BLTP1: variants seen among roughly 807,000 people sequenced by gnomAD.
The protein encoded by BLTP1 is fragile site-associated protein.
the BLTP1 span, chr4:122,281,811 A>T: frequency 6.9e-7 from 1 of 1,450,722 alleles, no homozygotes; most frequent in Admixed American, 2.7e-5. Context: ...CTTAAAATTT[A>T]TGATTTGTTT....
the BLTP1 span, chr4:122,244,762 T>C: frequency 2.1e-6 from 1 of 471,898 alleles, no homozygotes; most frequent in Non-Finnish European, 2.8e-6. Flanking sequence ...CAGGAAATCT[T>C]CTTCAGAAGT....
chr4:122,361,603 T>C, the BLTP1 span, among the ~76,000 whole-genome samples: 1 of 152,134 alleles, frequency 6.6e-6, no homozygotes, highest in African/African-American at 2.4e-5. Flanking sequence ...TCTCCACGTA[T>C]AAGGAAATAG....
At chr4:122,274,019 T>G in the BLTP1 span, among the ~76,000 whole-genome samples, 1 of 152,048 alleles carries the variant, frequency 6.6e-6, no homozygotes, top group African/African-American at 2.4e-5. Flanking sequence ...TTTCCAACTT[T>G]TCTGCAGTAA....
the BLTP1 span, chr4:122,270,400 A>G: frequency 3.1e-6 from 3 of 969,228 alleles, no homozygotes; most frequent in Non-Finnish European, 3.7e-6. Flanking sequence ...TAGCTGGTTT[A>G]TAGAAATTTG....
chr4:122,299,568 A>G, the BLTP1 span, among the ~76,000 whole-genome samples: 2 of 152,204 alleles, frequency 1.3e-5, no homozygotes, highest in African/African-American at 4.8e-5. Context: ...CCAAATAATA[A>G]TGGCAACAAA....
the BLTP1 span, chr4:122,190,277 G>A: frequency 3.6e-6 from 2 of 553,462 alleles, no homozygotes; most frequent in East Asian, 3.0e-4. Flanking sequence ...TTAAAGTTTT[G>A]TAGAGATGGT....
At chr4:122,247,290 C>G in the BLTP1 span, 8 of 1,613,220 alleles carry the variant, frequency 5.0e-6, no homozygotes, top group Non-Finnish European at 5.9e-6. Flanking sequence ...CAGAAAAAGG[C>G]AAAGAAATTG....
the BLTP1 span, among the ~76,000 whole-genome samples, chr4:122,176,716 A>G: frequency 1.3e-5 from 2 of 152,192 alleles, no homozygotes; most frequent in Non-Finnish European, 2.9e-5. Context: ...GATAAAAAAA[A>G]ATGATAAAGG....
chr4:122,190,139 C>T, the BLTP1 span: 8 of 1,595,522 alleles, frequency 5.0e-6, no homozygotes, highest in African/African-American at 8.1e-5. Flanking sequence ...CTCTGTCACA[C>T]AGGCTGGAAT....
the BLTP1 span, chr4:122,263,474 C>T: frequency 1.2e-6 from 2 of 1,608,498 alleles, no homozygotes; most frequent in South Asian, 2.2e-5. Context: ...GTTATCTGAA[C>T]ATCCCTTGCT....
chr4:122,343,419 G>A, the BLTP1 span: 1 of 1,613,808 alleles, frequency 6.2e-7, no homozygotes, highest in East Asian at 2.2e-5. Flanking sequence ...GGTTCATCGG[G>A]ATTAGGCAGC....
the BLTP1 span, chr4:122,261,806 T>C: frequency 1.0e-6 from 1 of 983,172 alleles, no homozygotes; most frequent in African/African-American, 1.7e-5. Flanking sequence ...GCTTATCAAG[T>C]GTTTAATACG....
At chr4:122,182,936 T>C in the BLTP1 span, 9 of 979,944 alleles carry the variant, frequency 9.2e-6, no homozygotes, top group Non-Finnish European at 1.1e-5. Context: ...GAAAGACACT[T>C]GGGTCACTTA....
At chr4:122,353,630 A>G in the BLTP1 span, 2 of 326,754 alleles carry the variant, frequency 6.1e-6, no homozygotes, top group Admixed American at 6.5e-5. The surrounding 1 kb of genome is among the most constrained non-coding windows in gnomAD (Gnocchi z 4.3). Context: ...CTTACTAGGG[A>G]CAAATCCAAT....
the BLTP1 span, among the ~76,000 whole-genome samples, chr4:122,213,338 T>C: frequency 6.6e-6 from 1 of 152,170 alleles, no homozygotes; most frequent in African/African-American, 2.4e-5. Context: ...CCACCATTCC[T>C]GGTCTGTTTG....
chr4:122,177,938 TG>T, the BLTP1 span: 1 of 172,832 alleles, frequency 5.8e-6, no homozygotes, highest in Non-Finnish European at 1.2e-5. Context: ...CTACCTAACT[TG>T]AATGAAGCAA....
the BLTP1 span, chr4:122,256,009 A>AG: frequency 3.5e-5 from 34 of 963,756 alleles, no homozygotes; most frequent in Non-Finnish European, 4.1e-5. Context: ...TTGATGATTG[A>AG]GGGGAGAATA....
At chr4:122,348,031 T>C in the BLTP1 span, among the ~76,000 whole-genome samples, 2 of 152,118 alleles carry the variant, frequency 1.3e-5, no homozygotes, top group Non-Finnish European at 1.5e-5. Context: ...ATATTGTTTG[T>C]GTGCTCCATA....
At chr4:122,355,337 A>C in the BLTP1 span, among the ~76,000 whole-genome samples, 1 of 152,054 alleles carries the variant, frequency 6.6e-6, no homozygotes, top group African/African-American at 2.4e-5. Flanking sequence ...CAAGACCAGG[A>C]TCCTATTTAA....
Sources: gnomAD v4.1 joint callset for allele counts (sites outside exome capture counted in the v4.1 genomes callset) on GRCh38, gnomAD v4.1.1 for gene constraint, Gnocchi (gnomAD v3.1) non-coding constraint, MANE v1.5 for transcripts, NCBI Gene and HGNC (gene_info 2026-07-23, HGNC 2026-07-21) for gene names.